Variants in NKAIN4 observed in about 807,000 individuals in gnomAD.
NKAIN4 encodes the protein sodium/potassium-transporting ATPase subunit beta-1-interacting protein 4.
A neutral mutation model predicts 28.8 loss-of-function variants in NKAIN4; 28 were observed. The ratio of observed to expected loss-of-function variants is 0.97; its 90% CI spans 0.72 to 1.33. NKAIN4 has a LOEUF of 1.33. Among genes scored for constraint, NKAIN4 ranks in the 40% most tolerant of loss-of-function variants. The pLI is 0.00. For synonymous variants in NKAIN4, 122 were observed against 115.6 expected, an observed-to-expected ratio of 1.06 and a Z score of -0.36; for missense variants, 289 against 277.2, an observed-to-expected ratio of 1.04 and a Z score of -0.30.
At chr20:63,253,204 G>T in intron 1 of NKAIN4, 1 of 985,222 alleles carries the variant, frequency 1.0e-6, no homozygotes, top group South Asian at 4.7e-5. Context: ...TCCTGCCATT[G>T]AGGAGCCACT....
intron 1 of NKAIN4, 113 bp from the exon 2 acceptor site, chr20:63,250,185 G>A (rs2066932273): frequency 1.1e-5 from 14 of 1,232,160 alleles, no homozygotes; most frequent in African/African-American, 1.5e-5. Context: ...CCCCACACCC[G>A]CCCACCACAC....
intron 6 of NKAIN4, among the ~76,000 whole-genome samples, chr20:63,242,297 T>A (rs1187989515): frequency 1.3e-5 from 2 of 152,112 alleles, no homozygotes; most frequent in Non-Finnish European, 2.9e-5. Flanking sequence ...TCCCACAGTC[T>A]CCATCTCTGC....
intron 3 of NKAIN4, chr20:63,248,590 C>G (rs2066901460): frequency 2.0e-6 from 1 of 510,484 alleles, no homozygotes; most frequent in African/African-American, 1.9e-5. Flanking sequence ...CCTGCCAATA[C>G]CCACAGACGC....
chr20:63,249,211 G>A, intron 2 of NKAIN4: 1 of 384,604 alleles, frequency 2.6e-6, no homozygotes, highest in Non-Finnish European at 5.0e-6. Context: ...CGCCTCACCG[G>A]GCTGACATTA....
chr20:63,242,674 T>C (rs1390876314), intron 5 of NKAIN4, 51 bp from the exon 6 acceptor site: 12 of 1,450,500 alleles, frequency 8.3e-6, no homozygotes, highest in Non-Finnish European at 1.2e-5. Flanking sequence ...ATGGAAAAGA[T>C]GTCAGAGTGG....
At chr20:63,241,686 C>A in intron 6 of NKAIN4, 180 bp from the exon 7 acceptor site, 1 of 714,424 alleles carries the variant, frequency 1.4e-6, no homozygotes, top group Non-Finnish European at 2.6e-6. Flanking sequence ...CACTGCCTCT[C>A]TCTGTGCCGG....
chr20:63,244,685 G>A (rs1411665061), intron 4 of NKAIN4: 2 of 388,966 alleles, frequency 5.1e-6, no homozygotes, highest in Non-Finnish European at 1.1e-5. Flanking sequence ...GGAGTCCAGG[G>A]CAGAGGGCAG....
In NKAIN4 at chr20:63,242,588, A is replaced by G. The variant is rs759225370; in HGVS notation, c.568T>C (p.Tyr190His). The G allele has an allele frequency of 1.2e-6, 2 of 1,613,516 alleles. No individual in the cohort carries two copies. ...FIGGFDPFPL[Y>H]HVNEKPSSLL... ...CTGGATGGCTTTTCATTGACATGGT[A>G]GAGAGGAAATGGATCAAATCCACCA... The change falls in exon 6 of 7, where the codon TAC (tyrosine) becomes CAC (histidine). Residue 190 changes from tyrosine to histidine, a missense_variant. Transcript: ENST00000370316.
chr20:63,242,877 G>A (rs533931869), intron 5 of NKAIN4, among the ~76,000 whole-genome samples: 32 of 150,458 alleles, frequency 2.1e-4, no homozygotes, highest in Admixed American at 1.2e-3. Context: ...CAGCCTGTGC[G>A]GGGACATGGC....
In NKAIN4 at chr20:63,252,294, G is replaced by T. The variant is rs1165389743; in HGVS notation, c.54+2103C>A. 6.6e-6 allele frequency among the ~76,000 whole-genome samples: 1 copy of T among 152,072 alleles called. No homozygotes were observed. The highest frequency in any genetic ancestry group is 1.5e-5 in the Non-Finnish European group (1 of 67,974). The stretch of plus-strand genomic sequence containing the variant: ...CCCCAAACCCCTTCCTGGGCCTTTG[G>T]CTCCCAGGGTCTCCTCAATGCAGCA... On this transcript the variant is annotated intron_variant, in intron 1 of 6. Coordinates refer to ENST00000370316, the MANE Select transcript of NKAIN4 (RefSeq NM_152864.4). The surrounding 1 kb of genome is among the most constrained non-coding windows in gnomAD (Gnocchi z 4.6).
chr20:63,241,470 C>G lies in NKAIN4; in HGVS notation c.*27G>C, dbSNP rs764570337. 1.9e-6 allele frequency: 3 copies of G among 1,550,324 alleles called. No homozygotes were observed. The highest frequency in any genetic ancestry group is 8.7e-7 in the Non-Finnish European group (1 of 1,146,866). ...GGTCGGTCGCTGAGGCTGGAGGCCA[C>G]AGGAGCAGGATCAGCTGTTTCCTCA... On this transcript the variant is annotated 3_prime_UTR_variant, in exon 7 of 7. Coordinates refer to ENST00000370316, the MANE Select transcript of NKAIN4 (RefSeq NM_152864.4).
intron 6 of NKAIN4, among the ~76,000 whole-genome samples, chr20:63,241,906 C>T (rs1025041767): frequency 3.9e-5 from 6 of 152,144 alleles, no homozygotes; most frequent in Non-Finnish European, 8.8e-5. Context: ...CGGGACAGCC[C>T]TCATTTTTAG....
chr20:63,249,062 C>T, intron 2 of NKAIN4, 167 bp from the exon 3 acceptor site: 1 of 607,682 alleles, frequency 1.6e-6, no homozygotes. Context: ...GTCCCCCAAG[C>T]CCACCCTGGG....
At chr20:63,246,560 ATT>A (rs982293622) in intron 4 of NKAIN4, 53 of 985,134 alleles carry the variant, frequency 5.4e-5, no homozygotes, top group Non-Finnish European at 3.7e-5. Flanking sequence ...GGCTCCTTAG[ATT>A]TGGAATTCAG....
At chr20:63,242,398 A>C in intron 6 of NKAIN4, 141 bp downstream of exon 6, 1 of 709,666 alleles carries the variant, frequency 1.4e-6, no homozygotes, top group Non-Finnish European at 2.5e-6. Flanking sequence ...ATGTTAGAAA[A>C]GTGAGAGTGG....
chr20:63,249,695 G>A (rs1289008294), intron 2 of NKAIN4, among the ~76,000 whole-genome samples: 1 of 152,162 alleles, frequency 6.6e-6, no homozygotes, highest in African/African-American at 2.4e-5. Context: ...AAGGCGTTCA[G>A]TGCCTGGGGC....
upstream of NKAIN4, chr20:63,254,617 G>A: frequency 2.1e-6 from 1 of 473,214 alleles, no homozygotes; most frequent in Non-Finnish European, 3.3e-6. Flanking sequence ...CAGCTGCGCT[G>A]CGTCTCCCCT....
chr20:63,241,175 C>G lies in NKAIN4; in HGVS notation c.*322G>C, dbSNP rs1568699312. ...CTGAGGGAGGGGCTCCTCGACGAGA[C>G]GACAGCCTGGGGGCAGAGCTGTGAC... On this transcript the variant is annotated 3_prime_UTR_variant, in exon 7 of 7. Transcript: ENST00000370316. The G allele has an allele frequency of 2.9e-6, 1 of 342,700 alleles. No individual in the cohort carries two copies. The highest frequency in any genetic ancestry group is 2.2e-5 in the African/African-American group (1 of 45,380). 21.2% of individuals were successfully genotyped at this position (342,700 alleles called of 1,614,324 possible).
In NKAIN4 at chr20:63,248,364, T is replaced by C; in HGVS notation, c.273+451A>G. ...TTCCCCTGAACAGCCTCGGTCAGGG[T>C]CGGCTCAGCGATGGCCTTTTCCCAC... On this transcript the variant is annotated intron_variant, in intron 3 of 6. Coordinates refer to ENST00000370316, the MANE Select transcript of NKAIN4 (RefSeq NM_152864.4). 1.1e-5 allele frequency: 2 copies of C among 178,950 alleles called. 1 individual carries two copies. The highest frequency in any genetic ancestry group is 2.6e-4 in the South Asian group (2 of 7,712). The allele number at this position is 178,950 out of a possible 1,614,324, so 11.1% of individuals were successfully genotyped here.
Sources: allele counts gnomAD v4.1 joint callset (sites outside exome capture counted in the v4.1 genomes callset), GRCh38; gene constraint gnomAD v4.1.1; non-coding constraint Gnocchi (gnomAD v3.1); transcripts MANE v1.5; gene names NCBI Gene and HGNC (gene_info 2026-07-23, HGNC 2026-07-21).